ATP8A2: variants seen among roughly 807,000 people sequenced by gnomAD.
ATP8A2 encodes ATPase phospholipid transporting 8A2.
ATP8A2 carries 100 observed loss-of-function variants against 165.6 expected under a neutral mutation model. The observed-to-expected ratio is 0.60, with a 90% CI of 0.51 to 0.71. The LOEUF (loss-of-function observed/expected upper bound fraction) is 0.71, where lower values mean the gene tolerates loss of function less well. Ranked by LOEUF, ATP8A2 falls within the 30% of genes least tolerant of loss-of-function variation. The probability of loss-of-function intolerance (pLI) is 0.00; values close to 1 mark genes in which losing one functional copy is unlikely to be tolerated. For synonymous variants in ATP8A2, 543 were observed against 548.8 expected (o/e 0.99, Z 0.15); for missense variants, 1,227 against 1,479.5 (o/e 0.83, Z 2.80).
chr13:25,427,964 A>T lies in ATP8A2; in HGVS notation c.77-41013A>T, dbSNP rs376429502. ...TGTAATCCCAGCACTTGAGGGGCGG[A>T]GGAGAGCAGATCACTTCAGCCTAGT... On this transcript the variant is annotated intron_variant, in intron 1 of 36. Transcript: ENST00000381655. Among the ~76,000 whole-genome samples the T allele has an allele frequency of 3.9e-5, 6 of 152,190 alleles. No homozygotes were observed. In the South Asian group the frequency reaches 1.2e-3, roughly 32 times the overall value.
intron 24 of ATP8A2, among the ~76,000 whole-genome samples, chr13:25,638,461 T>C (rs7985332): frequency 0.99 from 150,710 of 152,350 alleles, 74,557 homozygotes; most frequent in East Asian, 1. Flanking sequence ...GTGACGAATG[T>C]ACAAGCTTCA....
chr13:25,792,433 G>A (rs1466887293), intron 27 of ATP8A2, among the ~76,000 whole-genome samples: 1 of 152,190 alleles, frequency 6.6e-6, no homozygotes, highest in African/African-American at 2.4e-5. Context: ...TGTGTGGGCT[G>A]CTGTGCTCTT....
chr13:25,960,746 A>G (rs1409261508), intron 33 of ATP8A2, among the ~76,000 whole-genome samples: 1 of 151,956 alleles, frequency 6.6e-6, no homozygotes, highest in African/African-American at 2.4e-5. Context: ...TCTCTTTTCA[A>G]CTCACCTAAC....
intron 24 of ATP8A2, among the ~76,000 whole-genome samples, chr13:25,643,284 A>G (rs1418133619): frequency 6.6e-6 from 1 of 152,166 alleles, no homozygotes; most frequent in African/African-American, 2.4e-5. Context: ...TAATACAGGT[A>G]TAGTTCCTCT....
chr13:25,580,749 G>T (rs915447276), intron 22 of ATP8A2, among the ~76,000 whole-genome samples: 10 of 152,096 alleles, frequency 6.6e-5, no homozygotes, highest in African/African-American at 2.2e-4. Flanking sequence ...TCCCAGGCTG[G>T]TCTCAAACTC....
chr13:25,394,927 C>T (rs9507512), intron 1 of ATP8A2, among the ~76,000 whole-genome samples: 42,674 of 151,866 alleles, frequency 0.28, 6,895 homozygotes, highest in African/African-American at 0.44. Flanking sequence ...ACATATTTAC[C>T]CTCCCACAAT....
intron 6 of ATP8A2, among the ~76,000 whole-genome samples, chr13:25,533,897 A>G (rs1265559464): frequency 1.3e-5 from 2 of 152,338 alleles, no homozygotes; most frequent in East Asian, 3.9e-4. Flanking sequence ...TTTATATCTC[A>G]TAAAATTAGC....
Position 25,746,586 on chromosome 13 carries a change from G to C in ATP8A2, c.2385-22460G>C, listed in dbSNP as rs559781781. Among the ~76,000 whole-genome samples the C allele has an allele frequency of 2.7e-3, 406 of 152,316 alleles. 7 individuals carry two copies. Among genetic ancestry groups the C allele is most frequent in the African/African-American group, 9.1e-3 (378 of 41,562 alleles). On this transcript the variant is annotated intron_variant, in intron 25 of 36. Transcript: ENST00000381655. ...TTAGAGTTAGAAAACAATTAACCCA[G>C]GTTGAGTCTATTATGTTTCCTGCTC... is the stretch of plus-strand genomic sequence containing the variant.
At chr13:25,698,425 G>T (rs577998554) in intron 24 of ATP8A2, among the ~76,000 whole-genome samples, 3 of 152,104 alleles carry the variant, frequency 2.0e-5, no homozygotes, top group East Asian at 1.9e-4. Flanking sequence ...TAGAGACGGG[G>T]TTTCTCTATG....
chr13:25,628,005 A>G (rs2041146054), intron 24 of ATP8A2, among the ~76,000 whole-genome samples: 1 of 152,194 alleles, frequency 6.6e-6, no homozygotes. Context: ...AGAAGCCATG[A>G]TCACATTGAG....
At chr13:25,562,681 T>C (rs2138128313) in intron 15 of ATP8A2, among the ~76,000 whole-genome samples, 1 of 149,584 alleles carries the variant, frequency 6.7e-6, no homozygotes, top group African/African-American at 2.5e-5. Context: ...CCTTTCAGCT[T>C]ATATAGAATT....
chr13:25,701,636 A>G (rs1324248078), intron 25 of ATP8A2, among the ~76,000 whole-genome samples: 1 of 152,032 alleles, frequency 6.6e-6, no homozygotes, highest in Non-Finnish European at 1.5e-5. Flanking sequence ...AATCAAAATG[A>G]GTCCGTTGGA....
chr13:25,910,103 T>C (rs1405968261), intron 33 of ATP8A2, among the ~76,000 whole-genome samples: 1 of 152,242 alleles, frequency 6.6e-6, no homozygotes, highest in Non-Finnish European at 1.5e-5. Context: ...TGAAAAGGGA[T>C]GCACAAGTTT....
intron 33 of ATP8A2, among the ~76,000 whole-genome samples, chr13:25,874,695 T>C (rs571430492): frequency 6.6e-6 from 1 of 152,240 alleles, no homozygotes; most frequent in South Asian, 2.1e-4. Context: ...TACCATATAA[T>C]TTGGTTACCC....
At chr13:25,478,712 C>T (rs1291666847) in intron 2 of ATP8A2, among the ~76,000 whole-genome samples, 1 of 152,132 alleles carries the variant, frequency 6.6e-6, no homozygotes, top group Non-Finnish European at 1.5e-5. Context: ...ATAACATATA[C>T]CATACGAAAG....
At chr13:25,639,719 C>T (rs1383694372) in intron 24 of ATP8A2, among the ~76,000 whole-genome samples, 1 of 151,454 alleles carries the variant, frequency 6.6e-6, no homozygotes, top group African/African-American at 2.5e-5. Flanking sequence ...ACAAGGATAT[C>T]CGGGAATTGA....
chr13:25,410,940 C>T (rs538608740), intron 1 of ATP8A2, among the ~76,000 whole-genome samples: 27 of 152,312 alleles, frequency 1.8e-4, no homozygotes, highest in South Asian at 6.2e-4. Context: ...TCAAAACCTT[C>T]GTATAACCAA....
chr13:25,791,254 G>T (rs892720543), intron 27 of ATP8A2, among the ~76,000 whole-genome samples: 2 of 152,070 alleles, frequency 1.3e-5, no homozygotes, highest in Non-Finnish European at 2.9e-5. Context: ...TGGAGCTGGA[G>T]GCCATTATCG....
rs1429682651 is a variant in ATP8A2, at chr13:25,851,815, C to T, written c.2957-8380C>T. Among the ~76,000 whole-genome samples the T allele has an allele frequency of 4.6e-5, 7 of 151,002 alleles. No homozygotes were observed. In the South Asian group the frequency reaches 6.4e-4, roughly 14 times the overall value. ...GCTTCATGAATTGCGTTGCTCTGTG[C>T]GAATGCCTCATGCTATTTATTTTAT... On this transcript the variant is annotated intron_variant, in intron 30 of 36. Coordinates refer to ENST00000381655, the MANE Select transcript of ATP8A2 (RefSeq NM_016529.6).
Sources: allele counts gnomAD v4.1 joint callset (sites outside exome capture counted in the v4.1 genomes callset), GRCh38; gene constraint gnomAD v4.1.1; transcripts MANE v1.5; gene names NCBI Gene and HGNC (gene_info 2026-07-23, HGNC 2026-07-21).